The following TC2N variants were observed in gnomAD, a reference collection of about 807,000 sequenced individuals.
The protein encoded by TC2N is tandem C2 domains nuclear protein.
Under a neutral mutation model 61.9 loss-of-function variants are expected in TC2N, and 51 were observed. The ratio of observed to expected loss-of-function variants is 0.82; its 90% confidence interval spans 0.66 to 1.04. The LOEUF (loss-of-function observed/expected upper bound fraction) is 1.04. TC2N is among the 50% of genes least tolerant of loss of function. TC2N has a pLI of 0.00. For missense variants in TC2N, 556 were observed against 566.7 expected, an observed-to-expected ratio of 0.98 and a Z score of 0.19; for synonymous variants, 204 against 192.6, an observed-to-expected ratio of 1.06 and a Z score of -0.49.
In TC2N at chr14:91,780,156, C is replaced by G. The variant is rs1885023843; in HGVS notation, c.*2944G>C. 1 of 152,160 alleles carries G rather than the reference C, an allele frequency of 6.6e-6. No homozygotes were observed. The highest frequency in any genetic ancestry group is 1.5e-5 in the Non-Finnish European group (1 of 68,024). 9.4% of individuals were successfully genotyped at this position (152,160 alleles called of 1,614,324 possible). A position where few individuals can be genotyped will look rare whatever the true frequency, so the allele number is the denominator to read the frequency against. ...CAGGTATTTTCCTCATTACACCCAACCAAACACAGAAAGAAATATATATTT... is the reference window on the plus strand; with the variant it reads ...CAGGTATTTTCCTCATTACACCCAAGCAAACACAGAAAGAAATATATATTT... On this transcript the variant is annotated 3_prime_UTR_variant, in exon 12 of 12. Transcript: ENST00000435962.
intron 1 of TC2N, among the ~76,000 whole-genome samples, chr14:91,854,348 A>G (rs1888435858): frequency 2.0e-5 from 3 of 151,474 alleles, no homozygotes; most frequent in Non-Finnish European, 4.4e-5. Context: ...GATAAGAAAT[A>G]AAATAAAATA....
At chr14:91,862,052 T>G (rs926595884) in intron 1 of TC2N, among the ~76,000 whole-genome samples, 1 of 151,404 alleles carries the variant, frequency 6.6e-6, no homozygotes, top group Non-Finnish European at 1.5e-5. Context: ...TAATTTAAAT[T>G]ATAGGCTGGG....
At chr14:91,796,027 T>A (rs919557785) in intron 8 of TC2N, among the ~76,000 whole-genome samples, 12 of 152,026 alleles carry the variant, frequency 7.9e-5, no homozygotes, top group Non-Finnish European at 1.6e-4. Context: ...TATATAATAA[T>A]AAAATTGTAA....
chr14:91,839,545 GAGCACAC>G (rs1210018915), intron 1 of TC2N, among the ~76,000 whole-genome samples: 2 of 152,166 alleles, frequency 1.3e-5, no homozygotes, highest in African/African-American at 4.8e-5. Flanking sequence ...TCTATTTCCT[GAGCACAC>G]AGCATAGCAC....
intron 2 of TC2N, among the ~76,000 whole-genome samples, chr14:91,813,023 T>C (rs1331759460): frequency 1.3e-5 from 2 of 151,980 alleles, no homozygotes; most frequent in Admixed American, 6.6e-5. Context: ...TCTTTATATA[T>C]ATATAATGCT....
rs1327174365 is a variant in TC2N at position 91,785,151 on chromosome 14, C to T, written c.1362+11G>A. ...AGAAAAATATAAGGAAGGATAAAAA[C>T]TCCTACTAACCTGGCCCACAAAGTG... On this transcript the variant is annotated intron_variant, in intron 11 of 11. Transcript: ENST00000435962. The T allele has an allele frequency of 3.8e-6, 6 of 1,594,926 alleles. No individual in the cohort carries two copies. The African/African-American group carries it at 8.1e-5, about 21-fold the overall frequency.
intron 10 of TC2N, among the ~76,000 whole-genome samples, chr14:91,786,454 T>A (rs936925653): frequency 9.8e-5 from 15 of 152,346 alleles, no homozygotes; most frequent in Middle Eastern, 3.4e-3. Context: ...AGAAATTACA[T>A]GTTCCTTGAA....
chr14:91,818,944 TA>T lies in TC2N; in HGVS notation c.-56-5120del, dbSNP rs554990006. Among the ~76,000 whole-genome samples the T allele has an allele frequency of 6.9e-3, 1,041 of 151,888 alleles. 7 individuals carry two copies. The highest frequency in any genetic ancestry group is 9.7e-3 in the Non-Finnish European group (657 of 67,946). ...TGGAGTCCACAAAGAAGACTGGGGA[TA>T]GGGGGGAGGGCATATTTGAAGAAAT... On this transcript the variant is annotated intron_variant, in intron 1 of 11. Transcript: ENST00000435962.
Position 91,801,731 on chromosome 14 carries a change from TTTATG to T in TC2N, c.469+518_469+522del, listed in dbSNP as rs1405310761. 2.0e-5 allele frequency among the ~76,000 whole-genome samples: 3 copies of T among 152,192 alleles called. No homozygotes were observed. In the East Asian group the frequency reaches 5.8e-4, roughly 29 times the overall value. ...ATCTGAAAACAAAACTTCTTTCTTCTTTATGTTTTTTCCCTTGTACCTGGTATGTA... is the reference window on the plus strand; with the variant it reads ...ATCTGAAAACAAAACTTCTTTCTTCTTTTTTTCCCTTGTACCTGGTATGTA... On this transcript the variant is annotated intron_variant, in intron 4 of 11. Transcript: ENST00000435962.
chr14:91,820,111 A>G (rs991395266), intron 1 of TC2N, among the ~76,000 whole-genome samples: 5 of 152,124 alleles, frequency 3.3e-5, no homozygotes, highest in Non-Finnish European at 7.4e-5. Context: ...AAATTGCCAG[A>G]CTGGATAAAG....
rs1467347758 is a variant in TC2N at position 91,837,049 on chromosome 14, G to A, written c.-56-23224C>T. Among the ~76,000 whole-genome samples, 1 of 152,186 alleles carries A rather than the reference G, an allele frequency of 6.6e-6. No homozygotes were observed. The highest frequency in any genetic ancestry group is 1.5e-5 in the Non-Finnish European group (1 of 68,050). The stretch of plus-strand genomic sequence containing the variant: ...TTGCCATCAATGGGTGTCTTGGAAA[G>A]AATATTAAATGTATCCACCACAGCA... On this transcript the variant is annotated intron_variant, in intron 1 of 11. Transcript: ENST00000435962. The surrounding 1 kb of genome is among the most constrained non-coding windows in gnomAD (Gnocchi z 4.2).
intron 3 of TC2N, among the ~76,000 whole-genome samples, chr14:91,803,104 A>G (rs955903759): frequency 1.3e-5 from 2 of 152,134 alleles, no homozygotes; most frequent in Admixed American, 6.5e-5. Context: ...CACTTACTTT[A>G]TAATTAAGGT....
chr14:91,806,173 C>T (rs971068362), intron 3 of TC2N, among the ~76,000 whole-genome samples: 1 of 152,094 alleles, frequency 6.6e-6, no homozygotes, highest in African/African-American at 2.4e-5. Context: ...TCCCCAGCCA[C>T]GTGGAACTGT....
intron 1 of TC2N, among the ~76,000 whole-genome samples, chr14:91,819,766 G>A (rs569880238): frequency 9.9e-5 from 15 of 152,136 alleles, no homozygotes; most frequent in South Asian, 6.2e-4. Context: ...CACAAAGGCC[G>A]GGGGAGAAAT....
intron 4 of TC2N, 76 bp from the exon 5 acceptor site, chr14:91,800,448 C>T (rs907338837): frequency 4.2e-6 from 3 of 720,370 alleles, no homozygotes; most frequent in African/African-American, 1.8e-5. Context: ...AACTAAATCT[C>T]TGTAGCAATA....
chr14:91,795,351 G>A (rs1885846849), intron 8 of TC2N, among the ~76,000 whole-genome samples: 1 of 152,138 alleles, frequency 6.6e-6, no homozygotes, highest in Admixed American at 6.6e-5. Context: ...TGGATAAAAT[G>A]CTATCAAACA....
intron 1 of TC2N, among the ~76,000 whole-genome samples, chr14:91,834,111 G>T (rs1887904619): frequency 1.3e-5 from 2 of 152,076 alleles, no homozygotes; most frequent in African/African-American, 4.8e-5. Flanking sequence ...AGAACCATTG[G>T]GACATACGTA....
rs372980367 is a variant in TC2N at position 91,780,368 on chromosome 14, T to C, written c.*2732A>G. On this transcript the variant is annotated 3_prime_UTR_variant, in exon 12 of 12. Coordinates refer to ENST00000435962, the MANE Select transcript of TC2N (RefSeq NM_001128596.3). ...TAACTATATTTAAACAGAACTTCAG[T>C]TTAGGGTCTTTTCAGACCACAATTA... is the stretch of plus-strand genomic sequence containing the variant. 9.8e-5 allele frequency: 15 copies of C among 152,338 alleles called. No homozygotes were observed. The South Asian group carries it at 1.9e-3, about 19-fold the overall frequency. The allele number at this position is 152,338 out of a possible 1,614,324, so 9.4% of individuals were successfully genotyped here.
At position 91,867,292 on chromosome 14, in the gene TC2N, G is replaced by T. The variant is rs1385314351; in HGVS notation, c.-87C>A. 1 of 152,200 alleles carries T rather than the reference G, an allele frequency of 6.6e-6. No individual in the cohort carries two copies. Among genetic ancestry groups the T allele is most frequent in the Non-Finnish European group, 1.5e-5 (1 of 68,074 alleles). 9.4% of individuals were successfully genotyped at this position (152,200 alleles called of 1,614,324 possible). On this transcript the variant is annotated 5_prime_UTR_variant, in exon 1 of 12. Coordinates refer to ENST00000435962, the MANE Select transcript of TC2N (RefSeq NM_001128596.3). ...TGTTCTGTTGAGCCCAGAGGCAGTG[G>T]TTCGGAGGCGCTCGGTGCAAAGCTC...
Sources: gnomAD v4.1 joint callset for allele counts (sites outside exome capture counted in the v4.1 genomes callset) on GRCh38, gnomAD v4.1.1 for gene constraint, Gnocchi (gnomAD v3.1) non-coding constraint, MANE v1.5 for transcripts, NCBI Gene and HGNC (gene_info 2026-07-23, HGNC 2026-07-21) for gene names.